The following SYTL5 variants were observed in gnomAD, a reference collection of about 807,000 sequenced individuals.
SYTL5 encodes the protein synaptotagmin-like protein 5.
In SYTL5, 34 loss-of-function variants were observed where a neutral mutation model predicts 55.9. The observed-to-expected ratio is 0.61, with a 90% CI of 0.46 to 0.81. The LOEUF is 0.81. SYTL5 is among the 30% of genes least tolerant of loss of function. SYTL5 has a pLI of 0.00. For missense variants in SYTL5, 637 were observed against 546.7 expected (o/e 1.17, Z -1.65); for synonymous variants, 221 against 188.7 (o/e 1.17, Z -1.40).
intron 2 of SYTL5, among the ~76,000 whole-genome samples, chrX:38,048,679 A>G (rs1935543402): frequency 9.0e-6 from 1 of 110,666 alleles, no homozygotes; most frequent in Non-Finnish European, 1.9e-5. Context: ...TAAAACCATC[A>G]GATCTCATAA....
chrX:38,079,150 T>A (rs1480320767), intron 6 of SYTL5, among the ~76,000 whole-genome samples: 1 of 112,006 alleles, frequency 8.9e-6, no homozygotes, highest in Non-Finnish European at 1.9e-5. Flanking sequence ...GAAGAGACTG[T>A]AAGATCCCAG....
At chrX:38,057,859 C>T (rs1935836557) in intron 3 of SYTL5, among the ~76,000 whole-genome samples, 1 of 111,130 alleles carries the variant, frequency 9.0e-6, no homozygotes, top group African/African-American at 3.3e-5. Flanking sequence ...ATGTTGGTTA[C>T]CTATATTGCA....
chrX:38,126,809 G>A lies in SYTL5; in HGVS notation c.*79G>A. ...CTACCATTAGCAAACTGAGACCTGG[G>A]ATTCTGCTTCCCTGCCATTTCTCAC... On this transcript the variant is annotated 3_prime_UTR_variant, in exon 17 of 17. Coordinates refer to ENST00000297875, the MANE Select transcript of SYTL5 (RefSeq NM_138780.3). 3.9e-6 allele frequency: 4 copies of A among 1,016,013 alleles called. No homozygotes were observed. The highest frequency in any genetic ancestry group is 5.3e-6 in the Non-Finnish European group (4 of 752,847). The allele number at this position is 1,016,013 out of a possible 1,213,427, so 83.7% of individuals were successfully genotyped here.
the SYTL5 span, among the ~76,000 whole-genome samples, chrX:37,958,039 G>C: frequency 1.8e-5 from 2 of 110,309 alleles, no homozygotes; most frequent in Non-Finnish European, 3.8e-5. Context: ...TGAAACCTCG[G>C]ATCTACTAAA....
the SYTL5 span, among the ~76,000 whole-genome samples, chrX:37,898,480 A>T: frequency 8.9e-6 from 1 of 112,156 alleles, no homozygotes; most frequent in South Asian, 3.7e-4. Flanking sequence ...AACCCTCCTG[A>T]ATCATTAAAA....
chrX:38,073,810 A>T (rs1043215382), intron 5 of SYTL5, 112 bp downstream of exon 5: 24 of 446,026 alleles, frequency 5.4e-5, no homozygotes, highest in Non-Finnish European at 9.1e-5. Context: ...AGAGGAGGTC[A>T]GAGACTCAAA....
the SYTL5 span, among the ~76,000 whole-genome samples, chrX:37,913,836 T>A: frequency 8.9e-6 from 1 of 111,916 alleles, no homozygotes; most frequent in East Asian, 2.8e-4. Flanking sequence ...CCCGTATTGG[T>A]TTTCTCTCTT....
At chrX:38,094,267 T>C in intron 7 of SYTL5, 28 bp from the exon 8 acceptor site, 2 of 1,172,423 alleles carry the variant, frequency 1.7e-6, no homozygotes, top group Non-Finnish European at 2.3e-6. Flanking sequence ...TCAGTATAAT[T>C]TTTTTCTCAT....
At chrX:37,940,015 T>C in the SYTL5 span, among the ~76,000 whole-genome samples, 1 of 110,364 alleles carries the variant, frequency 9.1e-6, no homozygotes, top group East Asian at 2.9e-4. Flanking sequence ...TTTGTATTTT[T>C]AGTAGAGATG....
chrX:38,115,328 C>T (rs182897378), intron 13 of SYTL5, among the ~76,000 whole-genome samples: 3,221 of 103,037 alleles, frequency 0.031, 258 homozygotes, highest in African/African-American at 0.11. Flanking sequence ...ACTAAAAATA[C>T]AAAAAATTAG....
At chrX:37,972,526 A>C in the SYTL5 span, among the ~76,000 whole-genome samples, 1 of 111,245 alleles carries the variant, frequency 9.0e-6, no homozygotes, top group East Asian at 2.8e-4. Flanking sequence ...CGGGGTCCTG[A>C]GTCTTCTCTG....
At chrX:38,004,238 G>C (rs921253391), upstream of SYTL5, among the ~76,000 whole-genome samples, 8 of 111,474 alleles carry the variant, frequency 7.2e-5, no homozygotes, top group Non-Finnish European at 1.5e-4. Flanking sequence ...CTGTGCTTGT[G>C]GGGTATTACT....
the SYTL5 span, among the ~76,000 whole-genome samples, chrX:37,946,990 C>A: frequency 1.8e-5 from 2 of 110,834 alleles, no homozygotes; most frequent in Non-Finnish European, 3.8e-5. Flanking sequence ...GTATTTCCTG[C>A]AAAACTGGTC....
intron 14 of SYTL5, 49 bp from the exon 15 acceptor site, chrX:38,122,030 AT>A (rs750989279): frequency 1.4e-4 from 150 of 1,051,716 alleles, no homozygotes; most frequent in East Asian, 2.9e-4. Flanking sequence ...TGATTTATCT[AT>A]TTTTTTTTCT....
intron 6 of SYTL5, among the ~76,000 whole-genome samples, chrX:38,077,863 A>G (rs933893748): frequency 9.0e-6 from 1 of 111,477 alleles, no homozygotes; most frequent in African/African-American, 3.3e-5. Flanking sequence ...GTCCCACAAA[A>G]CTTTCTATAA....
At chrX:37,939,183 C>G in the SYTL5 span, among the ~76,000 whole-genome samples, 10 of 108,494 alleles carry the variant, frequency 9.2e-5, no homozygotes, top group African/African-American at 3.4e-4. Context: ...ATCACTTGAA[C>G]TTGGAAGGCA....
intron 13 of SYTL5, among the ~76,000 whole-genome samples, chrX:38,119,759 C>G (rs1202806679): frequency 4.4e-5 from 5 of 112,437 alleles, no homozygotes; most frequent in African/African-American, 1.6e-4. Context: ...GTCTTACAAA[C>G]TGTTTTCCAG....
chrX:38,064,885 T>C (rs984740186), intron 3 of SYTL5, among the ~76,000 whole-genome samples: 11 of 111,503 alleles, frequency 9.9e-5, no homozygotes, highest in African/African-American at 2.9e-4. Context: ...ATAATATTGT[T>C]TCTTAAATTA....
the SYTL5 span, among the ~76,000 whole-genome samples, chrX:37,981,522 C>T: frequency 1.8e-5 from 2 of 110,654 alleles, no homozygotes; most frequent in Admixed American, 9.6e-5. Context: ...CTCTCAAACT[C>T]CTGAGCTCAA....
Sources: gnomAD v4.1 joint callset for allele counts (sites outside exome capture counted in the v4.1 genomes callset) on GRCh38, gnomAD v4.1.1 for gene constraint, MANE v1.5 for transcripts, NCBI Gene and HGNC (gene_info 2026-07-23, HGNC 2026-07-21) for gene names.